Variants in SIK3 observed in about 807,000 individuals in gnomAD.
SIK3 encodes SIK family kinase 3, also known as serine/threonine-protein kinase SIK3.
Under a neutral mutation model 144.2 loss-of-function variants are expected in SIK3, and 28 were observed. That is an observed-to-expected ratio of 0.19 (90% CI 0.14 to 0.27). The LOEUF (loss-of-function observed/expected upper bound fraction) is 0.27, where lower values mean the gene tolerates loss of function less well. SIK3 is among the 10% of genes least tolerant of loss of function. The probability of loss-of-function intolerance (pLI) is 1.00; values close to 1 mark genes in which losing one functional copy is unlikely to be tolerated. For synonymous variants in SIK3, 686 were observed against 676.3 expected (o/e 1.01, Z -0.22); for missense variants, 1,319 against 1,776.0 (o/e 0.74, Z 4.62).
At chr11:117,027,000 G>T (rs376454181) in intron 1 of SIK3, among the ~76,000 whole-genome samples, 1 of 152,130 alleles carries the variant, frequency 6.6e-6, no homozygotes, top group Non-Finnish European at 1.5e-5. Flanking sequence ...TACTTCTTAC[G>T]GAAAACTTGG....
intron 1 of SIK3, among the ~76,000 whole-genome samples, chr11:116,977,241 TCCC>T (rs1949978644): frequency 5.9e-5 from 3 of 50,786 alleles, no homozygotes; most frequent in South Asian, 9.2e-4. Flanking sequence ...CCTCCCTCCC[TCCC>T]TCCCTTCCTT....
intron 3 of SIK3, among the ~76,000 whole-genome samples, chr11:116,932,164 T>A (rs1183563294): frequency 6.6e-6 from 1 of 152,218 alleles, no homozygotes; most frequent in East Asian, 1.9e-4. Context: ...TCCACTCTAG[T>A]GCCACCAGCC....
chr11:117,046,653 T>C (rs1266727369), intron 1 of SIK3, among the ~76,000 whole-genome samples: 1 of 151,786 alleles, frequency 6.6e-6, no homozygotes, highest in African/African-American at 2.4e-5. Context: ...TGGAAGGAGG[T>C]GGATCACTTG....
chr11:116,873,679 GA>G, intron 12 of SIK3, 43 bp from the exon 13 acceptor site: 1 of 1,520,472 alleles, frequency 6.6e-7, no homozygotes, highest in Non-Finnish European at 8.8e-7. Context: ...GAGATGAGGG[GA>G]AGGCGGGGAG....
chr11:116,867,806 A>G lies in SIK3; in HGVS notation c.1952+140T>C, dbSNP rs1943727656. ...GCCCTGTGCATTGCTTACTGCAAGG[A>G]GCTGAGAAGATGTGAGTTCAGGATG... On this transcript the variant is annotated intron_variant, in intron 15 of 24. Coordinates refer to ENST00000445177, the MANE Select transcript of SIK3 (RefSeq NM_001366686.3). This position sits in a 1 kb window ranked among gnomAD's most constrained non-coding sequence, Gnocchi z 4.1. 3 of 841,158 alleles carry G rather than the reference A, an allele frequency of 3.6e-6. No homozygotes were observed. The highest frequency in any genetic ancestry group is 5.3e-6 in the Non-Finnish European group (3 of 563,282). The allele number at this position is 841,158 out of a possible 1,614,324, so 52.1% of individuals were successfully genotyped here. A position where few individuals can be genotyped will look rare whatever the true frequency, so the allele number is the denominator to read the frequency against.
intron 3 of SIK3, chr11:116,950,066 AG>A: frequency 2.1e-6 from 1 of 468,744 alleles, no homozygotes; most frequent in Admixed American, 2.4e-5. Context: ...TAGCAGCAAA[AG>A]ACAGTGAAAC....
chr11:116,902,704 C>A (rs1425289327), intron 4 of SIK3, among the ~76,000 whole-genome samples: 1 of 152,218 alleles, frequency 6.6e-6, no homozygotes, highest in Non-Finnish European at 1.5e-5. Context: ...GTCTCAGAAA[C>A]CTGTCGAGAG....
intron 1 of SIK3, among the ~76,000 whole-genome samples, chr11:117,097,916 G>A (rs965201518): frequency 5.3e-5 from 8 of 151,576 alleles, no homozygotes; most frequent in African/African-American, 1.9e-4. Context: ...CCGGCTCCTG[G>A]GCGCCGGTGC....
chr11:116,965,825 C>T (rs1469314696), intron 1 of SIK3, among the ~76,000 whole-genome samples: 1 of 141,576 alleles, frequency 7.1e-6, no homozygotes, highest in African/African-American at 2.7e-5. Flanking sequence ...GTCCCAGCTA[C>T]TTGGGAGACT....
chr11:116,985,865 C>A (rs1382830739), intron 1 of SIK3, among the ~76,000 whole-genome samples: 1 of 152,150 alleles, frequency 6.6e-6, no homozygotes. Context: ...TTTTTCCCTA[C>A]ATAGAAATTG....
chr11:116,874,115 T>C lies in SIK3; in HGVS notation c.1428-59A>G, dbSNP rs933223555. On this transcript the variant is annotated intron_variant, in intron 11 of 24. Transcript: ENST00000445177. ...TAACATTCTTACTCAAAAGTGCTTA[T>C]ATCCCAAAACTGATGGCATTGCTAT... 8 of 1,566,888 alleles carry C rather than the reference T, an allele frequency of 5.1e-6. No individual in the cohort carries two copies. The African/African-American group carries it at 8.2e-5, about 16-fold the overall frequency.
chr11:117,035,317 A>T (rs188524746), intron 1 of SIK3, among the ~76,000 whole-genome samples: 1 of 152,352 alleles, frequency 6.6e-6, no homozygotes, highest in East Asian at 1.9e-4. Flanking sequence ...AATATAATGA[A>T]GACCTAAATT....
chr11:116,956,277 G>A (rs1949135300), intron 2 of SIK3, among the ~76,000 whole-genome samples: 1 of 151,206 alleles, frequency 6.6e-6, no homozygotes, highest in African/African-American at 2.4e-5. Context: ...TGCTTTTGTA[G>A]TTATGCTAGG....
At position 116,858,260 on chromosome 11, in the gene SIK3, G is replaced by C. The variant is rs752525063; in HGVS notation, c.3205C>G (p.His1069Asp). 1 of 1,613,964 alleles carries C rather than the reference G, an allele frequency of 6.2e-7. No homozygotes were observed. The highest frequency in any genetic ancestry group is 1.1e-5 in the South Asian group (1 of 91,050). Reference sequence around the variant, plus strand: ...CTCCCCGCATCCCCTTGGTTCATGTGCCTGAACAGTTCCTGGTATTCTTGC... The same window carrying C: ...CTCCCCGCATCCCCTTGGTTCATGTCCCTGAACAGTTCCTGGTATTCTTGC... ...QQQEYQELFR[H>D]MNQGDAGSLA... is the part of the protein sequence containing the mutation. Residue 1069 changes from histidine (H) to aspartate (D), a missense_variant, in exon 21 of 25, where the codon CAC becomes GAC. His to Asp is a moderately conservative substitution (Grantham distance 81, BLOSUM62 -1). Transcript: ENST00000445177. This position sits in a 1 kb window ranked among gnomAD's most constrained non-coding sequence, Gnocchi z 5.4.
chr11:116,956,801 G>A (rs565746113), intron 2 of SIK3, 147 bp downstream of exon 2: 9 of 490,760 alleles, frequency 1.8e-5, no homozygotes, highest in South Asian at 1.0e-4. Context: ...TGCTGAGCGC[G>A]TAAACAGAAG....
intron 1 of SIK3, among the ~76,000 whole-genome samples, chr11:117,037,415 A>G (rs1330467716): frequency 1.3e-5 from 2 of 152,184 alleles, no homozygotes; most frequent in East Asian, 1.9e-4. Flanking sequence ...ACTACAAGAG[A>G]TATCAGAAAG....
intron 6 of SIK3, among the ~76,000 whole-genome samples, chr11:116,887,245 T>TAA (rs5795056): frequency 1.8e-3 from 184 of 103,598 alleles, no homozygotes; most frequent in Non-Finnish European, 2.6e-3. Context: ...GTCTCTACAC[T>TAA]AAAAAAAAAA....
intron 1 of SIK3, among the ~76,000 whole-genome samples, chr11:117,052,641 C>G (rs1346653855): frequency 6.6e-6 from 1 of 152,194 alleles, no homozygotes; most frequent in Non-Finnish European, 1.5e-5. Context: ...CTTATAGCAG[C>G]CTTTGTGGCC....
In SIK3 at chr11:116,920,396, GTTC is replaced by G. The variant is rs562993343; in HGVS notation, c.616+6820_616+6822del. On this transcript the variant is annotated intron_variant, in intron 4 of 24. Coordinates refer to ENST00000445177, the MANE Select transcript of SIK3 (RefSeq NM_001366686.3). ...TTTATCTCTCTCAGGCCTTTGCATT[GTTC>G]TTCTTTCTGCGTGGAATGTTTTGAA... Among the ~76,000 whole-genome samples the G allele has an allele frequency of 3.9e-5, 6 of 152,066 alleles. No individual in the cohort carries two copies. In the East Asian group the frequency reaches 9.7e-4, roughly 25 times the overall value.
Sources: allele counts gnomAD v4.1 joint callset (sites outside exome capture counted in the v4.1 genomes callset), GRCh38; gene constraint gnomAD v4.1.1; non-coding constraint Gnocchi (gnomAD v3.1); transcripts MANE v1.5; gene names NCBI Gene and HGNC (gene_info 2026-07-23, HGNC 2026-07-21).